DNAH7: variants seen among roughly 807,000 people sequenced by gnomAD.
The protein encoded by DNAH7 is dynein axonemal heavy chain 7.
Under a neutral mutation model 444.6 loss-of-function variants are expected in DNAH7, and 397 were observed. The observed-to-expected ratio is 0.89, with a 90% CI of 0.82 to 0.97. The LOEUF is 0.97. Among genes scored for constraint, DNAH7 ranks in the 50% least tolerant of loss-of-function variants. The pLI is 0.00. For missense variants in DNAH7, 4,902 were observed against 4,800.8 expected (o/e 1.02, Z -0.62); for synonymous variants, 1,636 against 1,624.4 (o/e 1.01, Z -0.17).
At chr2:195,934,226 G>A (rs1031609663) in intron 21 of DNAH7, among the ~76,000 whole-genome samples, 4 of 152,152 alleles carry the variant, frequency 2.6e-5, no homozygotes, top group Non-Finnish European at 5.9e-5. Context: ...CATACATGTC[G>A]AGGAGATTGA....
rs369182732 is a variant in DNAH7, at chr2:195,858,546, G to A, written c.7995C>T (p.Cys2665=). Reference sequence around the variant, plus strand: ...GCAAGGCACCTGCCAGGTCAGCATCGCACTCATCTTTGATGGCTTTGGAAG... The same window carrying A: ...GCAAGGCACCTGCCAGGTCAGCATCACACTCATCTTTGATGGCTTTGGAAG... The part of the protein sequence containing the change: ...AMASKAIKDE[C]DADLAGALPI... The change falls in exon 43 of 65, where the codon TGC becomes TGT. Residue 2665 remains cysteine (C), a synonymous_variant. Coordinates refer to ENST00000312428, the MANE Select transcript of DNAH7 (RefSeq NM_018897.3). 2.3e-5 allele frequency: 37 copies of A among 1,613,852 alleles called. No homozygotes were observed. In the Admixed American group the frequency reaches 3.5e-4, roughly 15 times the overall value.
intron 48 of DNAH7, chr2:195,825,020 T>C (rs1012557858): frequency 6.6e-6 from 1 of 152,512 alleles, no homozygotes; most frequent in Non-Finnish European, 1.5e-5. Context: ...CTCATGCCTG[T>C]AATTCCAGCA....
At chr2:195,884,922 C>T (rs1701623553) in intron 34 of DNAH7, 113 bp from the exon 35 acceptor site, 1 of 811,508 alleles carries the variant, frequency 1.2e-6, no homozygotes, top group East Asian at 2.7e-5. Flanking sequence ...AACACGTAAG[C>T]TCAAATATAT....
rs539517360 is a variant in DNAH7 at position 196,038,100 on chromosome 2, T to C, written c.398+9252A>G. 1.1e-4 allele frequency among the ~76,000 whole-genome samples: 17 copies of C among 152,002 alleles called. 1 individual carries two copies. The highest frequency in any genetic ancestry group is 4.1e-4 in the African/African-American group (17 of 41,456). Reference sequence around the variant, plus strand: ...CTTAAAGACCAAGACAGAATAAGACTATATATTCAAAGTGCTAAAAGAAAA... The same window carrying C: ...CTTAAAGACCAAGACAGAATAAGACCATATATTCAAAGTGCTAAAAGAAAA... On this transcript the variant is annotated intron_variant, in intron 5 of 64. Transcript: ENST00000312428.
intron 21 of DNAH7, among the ~76,000 whole-genome samples, chr2:195,929,072 C>G (rs1184193147): frequency 6.6e-6 from 1 of 151,658 alleles, no homozygotes; most frequent in Non-Finnish European, 1.5e-5. Context: ...ATTTCTATAC[C>G]CCAATAATGT....
At position 195,872,341 on chromosome 2, in the gene DNAH7, C is replaced by T. The variant is rs772167164; in HGVS notation, c.6542G>A (p.Arg2181His). 9.9e-6 allele frequency: 16 copies of T among 1,613,700 alleles called. No individual in the cohort carries two copies. Among genetic ancestry groups the T allele is most frequent in the African/African-American group, 5.3e-5 (4 of 74,860 alleles). Reference protein sequence around the residue: ...PAKSHYLFNLRDFSRVIQGVC... With the variant: ...PAKSHYLFNLHDFSRVIQGVC... Reference sequence around the variant, plus strand: ...ACCTTGAATGACACGGGAGAAATCACGGAGGTTGAACAAGTAGTGAGATTT... The same window carrying T: ...ACCTTGAATGACACGGGAGAAATCATGGAGGTTGAACAAGTAGTGAGATTT... Residue 2181 changes from arginine to histidine, a missense_variant, in exon 40 of 65, where the codon CGT becomes CAT. Transcript: ENST00000312428.
chr2:195,976,488 T>C (rs1286698427), intron 15 of DNAH7, among the ~76,000 whole-genome samples: 2 of 152,064 alleles, frequency 1.3e-5, no homozygotes, highest in African/African-American at 4.8e-5. Flanking sequence ...CACTCGGAGC[T>C]GGGGGAACTC....
In DNAH7 at chr2:195,808,699, T is replaced by C; in HGVS notation, c.10066A>G (p.Lys3356Glu). ...EFMRLKDGWK[K>E]VYDSLEPHHE... ...AAACATACCAAACTATCATATACTT[T>C]CTTCCATCCATCCTTTAAGCGCATA... The change falls in exon 53 of 65, where the codon AAA becomes GAA. Residue 3356 changes from lysine to glutamate, a missense_variant. Physicochemically the swap from Lys to Glu is moderately conservative, Grantham distance 56. Transcript: ENST00000312428. 1.2e-6 allele frequency: 2 copies of C among 1,613,990 alleles called. No individual in the cohort carries two copies. The highest frequency in any genetic ancestry group is 1.7e-6 in the Non-Finnish European group (2 of 1,179,928).
chr2:196,013,573 A>G (rs1333737670), intron 9 of DNAH7, among the ~76,000 whole-genome samples: 2 of 152,206 alleles, frequency 1.3e-5, no homozygotes, highest in African/African-American at 2.4e-5. Flanking sequence ...TTAAAGACCA[A>G]TGTAAAATAC....
intron 19 of DNAH7, among the ~76,000 whole-genome samples, chr2:195,937,495 G>A (rs1304207631): frequency 6.6e-6 from 1 of 152,038 alleles, no homozygotes; most frequent in African/African-American, 2.4e-5. Context: ...TTTTAAAAGA[G>A]CTTTCTTTTA....
At chr2:195,795,356 C>T (rs1228903136) in intron 56 of DNAH7, among the ~76,000 whole-genome samples, 1 of 152,062 alleles carries the variant, frequency 6.6e-6, no homozygotes, top group Non-Finnish European at 1.5e-5. Context: ...CACTCCAGCC[C>T]GGGTGACAGA....
chr2:196,051,311 T>C (rs1360738474), intron 2 of DNAH7, 62 bp from the exon 3 acceptor site: 1 of 1,293,436 alleles, frequency 7.7e-7, no homozygotes, highest in African/African-American at 1.5e-5. Context: ...ATTGATTCAC[T>C]GAACCAAATT....
intron 48 of DNAH7, among the ~76,000 whole-genome samples, chr2:195,833,850 G>C (rs1476255377): frequency 6.6e-6 from 1 of 152,042 alleles, no homozygotes; most frequent in Non-Finnish European, 1.5e-5. Context: ...CCACCTCCAG[G>C]TTCAAGCGAT....
intron 63 of DNAH7, among the ~76,000 whole-genome samples, chr2:195,747,953 G>C (rs184338610): frequency 0.062 from 9,475 of 152,022 alleles, 406 homozygotes; most frequent in African/African-American, 0.12. Context: ...CTCACCACTC[G>C]TATTCAACAT....
rs929285175 is a variant in DNAH7, at chr2:195,986,603, G to T, written c.1754+463C>A. Reference sequence around the variant, plus strand: ...TTACTTAACATGGGTCAGTTTTCCCGAAAATCCCTAGGTTAGTCACAAATG... The same window carrying T: ...TTACTTAACATGGGTCAGTTTTCCCTAAAATCCCTAGGTTAGTCACAAATG... On this transcript the variant is annotated intron_variant, in intron 14 of 64. Transcript: ENST00000312428. Among the ~76,000 whole-genome samples the T allele has an allele frequency of 2.0e-5, 3 of 151,998 alleles. No individual in the cohort carries two copies. In the East Asian group the frequency reaches 5.8e-4, roughly 29 times the overall value.
rs369055724 is a variant in DNAH7, at chr2:195,957,462, A to T, written c.2892-15T>A. 12 of 1,500,612 alleles carry T rather than the reference A, an allele frequency of 8.0e-6. No homozygotes were observed. Among genetic ancestry groups the T allele is most frequent in the Non-Finnish European group, 1.1e-5 (12 of 1,112,798 alleles). The allele number at this position is 1,500,612 out of a possible 1,614,324, so 93.0% of individuals were successfully genotyped here. ...CCTCCCATTCTCTGAGGAGCAAAAC[A>T]CAGTGGCTCTTACTGACAGCAAACC... is the stretch of plus-strand genomic sequence containing the variant. On this transcript the variant is annotated splice_polypyrimidine_tract_variant and intron_variant, in intron 18 of 64. Coordinates refer to ENST00000312428, the MANE Select transcript of DNAH7 (RefSeq NM_018897.3).
chr2:195,862,993 A>T (rs1972141), intron 41 of DNAH7, among the ~76,000 whole-genome samples: 14,266 of 152,190 alleles, frequency 0.094, 755 homozygotes, highest in African/African-American at 0.14. Context: ...CCAAGATTGT[A>T]CCACTGCACT....
At chr2:195,779,553 TG>T (rs1215879912) in intron 58 of DNAH7, among the ~76,000 whole-genome samples, 5 of 152,108 alleles carry the variant, frequency 3.3e-5, no homozygotes, top group African/African-American at 1.2e-4. Context: ...TAATATTTGT[TG>T]TTTTTTTTTT....
chr2:195,738,314 A>T (rs1037920333), intron 64 of DNAH7, among the ~76,000 whole-genome samples, 187 bp from the exon 65 acceptor site: 9 of 152,212 alleles, frequency 5.9e-5, no homozygotes, highest in African/African-American at 1.9e-4. Flanking sequence ...ACTGAAAAAA[A>T]TAGTTTTCGC....
Sources: allele counts gnomAD v4.1 joint callset (sites outside exome capture counted in the v4.1 genomes callset), GRCh38; gene constraint gnomAD v4.1.1; transcripts MANE v1.5; gene names NCBI Gene and HGNC (gene_info 2026-07-23, HGNC 2026-07-21).